Variants in DGKB observed in about 807,000 individuals in gnomAD.
DGKB encodes the protein 90 kDa diacylglycerol kinase.
A neutral mutation model predicts 114.3 loss-of-function variants in DGKB; 67 were observed. That is an observed-to-expected ratio of 0.59 (90% CI 0.48 to 0.72). The LOEUF is 0.72. Ranked by LOEUF, DGKB falls within the 30% of genes least tolerant of loss-of-function variation. The pLI, the probability that DGKB is intolerant of heterozygous loss-of-function variation, is 0.00. For missense variants in DGKB, 907 were observed against 975.2 expected (o/e 0.93, Z 0.93); for synonymous variants, 398 against 323.1 (o/e 1.23, Z -2.49).
At chr7:14,862,449 T>G (rs569913928) in intron 1 of DGKB, among the ~76,000 whole-genome samples, 129 of 152,186 alleles carry the variant, frequency 8.5e-4, no homozygotes, top group Non-Finnish European at 1.5e-3. Context: ...TTTTTAGAAT[T>G]TATGTTTATT....
At chr7:14,932,538 T>G (rs1229563861) in intron 1 of DGKB, among the ~76,000 whole-genome samples, 1 of 152,168 alleles carries the variant, frequency 6.6e-6, no homozygotes, top group Admixed American at 6.5e-5. Flanking sequence ...AACCATAAAA[T>G]TATACTTTTA....
intron 20 of DGKB, among the ~76,000 whole-genome samples, chr7:14,522,925 C>T (rs778563487): frequency 2.0e-4 from 31 of 152,040 alleles, no homozygotes; most frequent in African/African-American, 6.0e-4. Flanking sequence ...AGAAAGCATA[C>T]GGAATTGGCC....
chr7:14,863,561 A>G (rs920433402), intron 1 of DGKB, among the ~76,000 whole-genome samples: 7 of 152,036 alleles, frequency 4.6e-5, no homozygotes, highest in African/African-American at 1.7e-4. Flanking sequence ...ACATACTTAC[A>G]GTGCTACCTA....
intron 23 of DGKB, among the ~76,000 whole-genome samples, chr7:14,311,913 C>A (rs1399395491): frequency 6.6e-6 from 1 of 152,078 alleles, no homozygotes; most frequent in African/African-American, 2.4e-5. Flanking sequence ...ACTAGTCTAG[C>A]AACTATAAAA....
intron 21 of DGKB, among the ~76,000 whole-genome samples, chr7:14,461,195 A>G (rs950387824): frequency 2.0e-5 from 3 of 152,188 alleles, no homozygotes; most frequent in Non-Finnish European, 4.4e-5. Flanking sequence ...AAAGCACTGG[A>G]GCAGCAAGAG....
At chr7:14,485,014 G>A (rs1342699893) in intron 20 of DGKB, among the ~76,000 whole-genome samples, 1 of 150,490 alleles carries the variant, frequency 6.6e-6, no homozygotes, top group Non-Finnish European at 1.5e-5. Context: ...AATGGCAAAA[G>A]TAATTATAAA....
intron 23 of DGKB, among the ~76,000 whole-genome samples, chr7:14,215,728 T>C (rs948728305): frequency 6.6e-6 from 1 of 152,106 alleles, no homozygotes; most frequent in Non-Finnish European, 1.5e-5. Context: ...TGATTTAGGA[T>C]TGGAGCTCCA....
chr7:14,323,593 C>T (rs1327570427), intron 23 of DGKB, among the ~76,000 whole-genome samples: 2 of 152,042 alleles, frequency 1.3e-5, no homozygotes, highest in Non-Finnish European at 2.9e-5. Context: ...AGAAGCCATG[C>T]GAAGCCATGG....
intron 23 of DGKB, among the ~76,000 whole-genome samples, chr7:14,273,681 A>C (rs563360560): frequency 6.6e-6 from 1 of 152,352 alleles, no homozygotes; most frequent in East Asian, 1.9e-4. Flanking sequence ...ACATACAAAT[A>C]CTGGCTGTAT....
intron 1 of DGKB, among the ~76,000 whole-genome samples, chr7:14,893,103 T>G (rs1231062164): frequency 6.6e-6 from 1 of 151,238 alleles, no homozygotes; most frequent in Non-Finnish European, 1.5e-5. Flanking sequence ...CAGAAACAGC[T>G]CTACCTTTCT....
chr7:14,630,179 A>G (rs1809428717), intron 14 of DGKB, 57 bp downstream of exon 14: 3 of 1,202,658 alleles, frequency 2.5e-6, no homozygotes, highest in Non-Finnish European at 2.3e-6. Flanking sequence ...TTACAGCAAT[A>G]CAAGATGTAT....
chr7:14,575,654 T>C (rs1457734281), intron 19 of DGKB, among the ~76,000 whole-genome samples: 1 of 152,200 alleles, frequency 6.6e-6, no homozygotes, highest in Non-Finnish European at 1.5e-5. Context: ...GATGATACCA[T>C]CAGAATTTGA....
At chr7:14,284,961 T>G (rs565901153) in intron 23 of DGKB, among the ~76,000 whole-genome samples, 2 of 151,852 alleles carry the variant, frequency 1.3e-5, no homozygotes, top group Admixed American at 1.3e-4. Context: ...TGTATATGTA[T>G]GTAACTAACC....
At chr7:14,265,740 A>C (rs1443331535) in intron 23 of DGKB, among the ~76,000 whole-genome samples, 1 of 152,190 alleles carries the variant, frequency 6.6e-6, no homozygotes, top group Non-Finnish European at 1.5e-5. Context: ...CATGGTTGAC[A>C]ACAGTATCTG....
intron 1 of DGKB, among the ~76,000 whole-genome samples, chr7:14,972,239 T>G (rs1198069406): frequency 6.6e-6 from 1 of 152,132 alleles, no homozygotes; most frequent in African/African-American, 2.4e-5. Flanking sequence ...TAAATACTAG[T>G]AAAAATCTCC....
intron 23 of DGKB, among the ~76,000 whole-genome samples, chr7:14,293,987 A>G (rs1216383068): frequency 6.6e-6 from 1 of 152,178 alleles, no homozygotes; most frequent in Non-Finnish European, 1.5e-5. Context: ...CTGGAGTTCA[A>G]AAGTCAACAA....
chr7:14,552,025 A>G (rs1179048535), intron 20 of DGKB, among the ~76,000 whole-genome samples: 2 of 152,102 alleles, frequency 1.3e-5, no homozygotes. Flanking sequence ...AATCTTTTGT[A>G]TCTCTTTTTG....
At chr7:14,221,348 C>T (rs1789933982) in intron 23 of DGKB, among the ~76,000 whole-genome samples, 1 of 151,030 alleles carries the variant, frequency 6.6e-6, no homozygotes, top group Non-Finnish European at 1.5e-5. Flanking sequence ...TGAGTACTCT[C>T]TATTTCTAGT....
At chr7:14,751,285 T>C (rs1274225217) in intron 4 of DGKB, among the ~76,000 whole-genome samples, 1 of 152,214 alleles carries the variant, frequency 6.6e-6, no homozygotes, top group Non-Finnish European at 1.5e-5. Flanking sequence ...AATTGTTTAA[T>C]AAATGTTATT....
Sources: allele counts gnomAD v4.1 joint callset (sites outside exome capture counted in the v4.1 genomes callset), GRCh38; gene constraint gnomAD v4.1.1; transcripts MANE v1.5; gene names NCBI Gene and HGNC (gene_info 2026-07-23, HGNC 2026-07-21).